POLA1: variants seen among roughly 807,000 people sequenced by gnomAD.
The protein encoded by POLA1 is DNA polymerase alpha 1, catalytic subunit, also known as DNA polymerase alpha catalytic subunit.
A neutral mutation model predicts 124.0 loss-of-function variants in POLA1; 15 were observed. That is an observed-to-expected ratio of 0.12 (90% CI 0.08 to 0.19). POLA1 has a LOEUF of 0.19. Ranked by LOEUF, POLA1 falls within the 10% of genes least tolerant of loss-of-function variation. POLA1 has a pLI of 1.00. For synonymous variants in POLA1, 408 were observed against 389.4 expected (o/e 1.05, Z -0.56); for missense variants, 886 against 1,103.4 (o/e 0.80, Z 2.79).
At chrX:24,918,484 A>G (rs1283729116) in intron 35 of POLA1, among the ~76,000 whole-genome samples, 1 of 111,983 alleles carries the variant, frequency 8.9e-6, no homozygotes, top group Non-Finnish European at 1.9e-5. Context: ...AACATATACC[A>G]GCTACTATGT....
At chrX:24,915,589 A>T (rs2047518459) in intron 35 of POLA1, among the ~76,000 whole-genome samples, 2 of 111,869 alleles carry the variant, frequency 1.8e-5, no homozygotes, top group South Asian at 7.6e-4. Context: ...TGTGAACGCC[A>T]CTCACCTGGA....
intron 30 of POLA1, among the ~76,000 whole-genome samples, chrX:24,817,410 C>A (rs2046006024): frequency 9.1e-6 from 1 of 109,657 alleles, no homozygotes; most frequent in Non-Finnish European, 1.9e-5. Flanking sequence ...GAGTTCAAGA[C>A]CAGCCTGACC....
chrX:24,862,151 CAAAATAA>C (rs1275714586), intron 34 of POLA1, among the ~76,000 whole-genome samples: 1 of 111,823 alleles, frequency 8.9e-6, no homozygotes, highest in Admixed American at 9.5e-5. Context: ...ACTGCAAAAG[CAAAATAA>C]ATACCATAGT....
At chrX:24,767,522 C>T (rs765087280) in intron 26 of POLA1, among the ~76,000 whole-genome samples, 2 of 112,217 alleles carry the variant, frequency 1.8e-5, no homozygotes, top group East Asian at 5.6e-4. Flanking sequence ...AGACACTGTT[C>T]TAAGCACTTT....
At chrX:24,825,104 G>A (rs1337522781) in intron 31 of POLA1, among the ~76,000 whole-genome samples, 2 of 111,934 alleles carry the variant, frequency 1.8e-5, no homozygotes, top group Non-Finnish European at 3.8e-5. Context: ...ATTTTTTCAC[G>A]TGGTTTTTAT....
intron 35 of POLA1, among the ~76,000 whole-genome samples, chrX:24,905,468 A>G (rs1010811354): frequency 1.9e-5 from 2 of 107,824 alleles, no homozygotes; most frequent in Non-Finnish European, 3.8e-5. Context: ...AAAGATGCCA[A>G]TGCTGAGATG....
chrX:24,750,761 T>G (rs1932279812), intron 26 of POLA1, among the ~76,000 whole-genome samples: 1 of 112,143 alleles, frequency 8.9e-6, no homozygotes, highest in African/African-American at 3.2e-5. Flanking sequence ...ATCCTTTTAG[T>G]ACAGTAGGGT....
intron 26 of POLA1, among the ~76,000 whole-genome samples, chrX:24,784,207 C>T (rs1264034158): frequency 9.3e-6 from 1 of 107,121 alleles, no homozygotes; most frequent in South Asian, 4.3e-4. Context: ...TGCAAGCCAC[C>T]ATGCCCGGCT....
chrX:24,796,634 G>A (rs749563066), intron 26 of POLA1, among the ~76,000 whole-genome samples: 1 of 111,355 alleles, frequency 9.0e-6, no homozygotes, highest in African/African-American at 3.3e-5. Flanking sequence ...GCTGTGCCAG[G>A]CATTTCGAAG....
At chrX:24,939,424 G>A (rs2047887923) in intron 36 of POLA1, among the ~76,000 whole-genome samples, 1 of 112,043 alleles carries the variant, frequency 8.9e-6, no homozygotes, top group South Asian at 3.7e-4. Context: ...ACAGTAGATG[G>A]TTTTATTTCC....
chrX:24,740,771 C>T (rs2148390495), intron 20 of POLA1, among the ~76,000 whole-genome samples: 1 of 111,710 alleles, frequency 9.0e-6, no homozygotes, highest in East Asian at 2.8e-4. Flanking sequence ...TTCCATAAGG[C>T]TTGCTCCCTC....
At position 24,809,915 on chromosome X, in the gene POLA1, A is replaced by G. The variant is rs1252797604; in HGVS notation, c.2982A>G (p.Lys994=). ...YKGREILMHT[K]EMVQKMNLEV... The stretch of plus-strand genomic sequence containing the variant: ...TCATTTAGATTTTGATGCATACGAA[A>G]GAGATGGTACAAAAGGTAATGTTGA... The change falls in exon 27 of 37, where the codon AAA becomes AAG. Residue 994 remains lysine, a synonymous_variant. Coordinates refer to ENST00000379068, the MANE Select transcript of POLA1 (RefSeq NM_001330360.2). The G allele has an allele frequency of 9.1e-7, 1 of 1,102,024 alleles. No homozygotes were observed. The highest frequency in any genetic ancestry group is 1.2e-6 in the Non-Finnish European group (1 of 806,063). The allele number at this position is 1,102,024 out of a possible 1,213,427, so 90.8% of individuals were successfully genotyped here.
At chrX:24,887,870 A>C in intron 34 of POLA1, 136 bp from the exon 35 acceptor site, 1 of 459,320 alleles carries the variant, frequency 2.2e-6, no homozygotes, top group Non-Finnish European at 3.9e-6. Context: ...ACATGTCAGG[A>C]GAGAGAGATA....
intron 22 of POLA1, 37 bp downstream of exon 22, chrX:24,742,158 AAC>A (rs1569291688): frequency 4.7e-6 from 3 of 637,467 alleles, no homozygotes; most frequent in South Asian, 5.4e-5. Context: ...GTTTTCTCTT[AAC>A]CCCCCCCCCC....
intron 35 of POLA1, 50 bp downstream of exon 35, chrX:24,888,172 G>T (rs762878792): frequency 3.7e-6 from 3 of 802,070 alleles, no homozygotes; most frequent in Non-Finnish European, 5.7e-6. Flanking sequence ...GTAGAGGGCT[G>T]CTTGCTTTGA....
rs370956790 is a variant in POLA1 at position 24,810,806 on chromosome X, A to G, written c.3090+6A>G. ...TATTTAAGTTGGGAAACAAGGTGAGATAATTTTATGAAATTATCTGCTTTA... is the reference window on the plus strand; with the variant it reads ...TATTTAAGTTGGGAAACAAGGTGAGGTAATTTTATGAAATTATCTGCTTTA... On this transcript the variant is annotated splice_donor_region_variant and intron_variant, in intron 28 of 36. Coordinates refer to ENST00000379068, the MANE Select transcript of POLA1 (RefSeq NM_001330360.2). 1.0e-4 allele frequency: 92 copies of G among 922,435 alleles called. No individual in the cohort carries two copies. Among genetic ancestry groups the G allele is most frequent in the Non-Finnish European group, 1.4e-4 (91 of 646,203 alleles). 76.0% of individuals were successfully genotyped at this position (922,435 alleles called of 1,213,427 possible).
intron 36 of POLA1, among the ~76,000 whole-genome samples, chrX:24,952,391 C>T (rs188650146): frequency 2.7e-5 from 3 of 112,070 alleles, no homozygotes; most frequent in African/African-American, 9.7e-5. Flanking sequence ...TAGTATGTAC[C>T]TCCATGATGC....
chrX:24,734,623 G>A (rs1931151666), intron 17 of POLA1, among the ~76,000 whole-genome samples: 1 of 111,095 alleles, frequency 9.0e-6, no homozygotes. Flanking sequence ...GAGTCAAACC[G>A]ACTTTTTTTT....
chrX:24,785,031 A>G (rs747554006), intron 26 of POLA1, among the ~76,000 whole-genome samples: 1 of 112,724 alleles, frequency 8.9e-6, no homozygotes, highest in South Asian at 3.7e-4. Context: ...ATTTAGCTTG[A>G]AAAGGCACTT....
Sources: allele counts gnomAD v4.1 joint callset (sites outside exome capture counted in the v4.1 genomes callset), GRCh38; gene constraint gnomAD v4.1.1; transcripts MANE v1.5; gene names NCBI Gene and HGNC (gene_info 2026-07-23, HGNC 2026-07-21).